CPAMD8: variants seen among roughly 807,000 people sequenced by gnomAD.
The protein encoded by CPAMD8 is C3 and PZP like alpha-2-macroglobulin domain containing 8.
A neutral mutation model predicts 224.7 loss-of-function variants in CPAMD8; 146 were observed. The observed-to-expected ratio is 0.65, with a 90% CI of 0.57 to 0.75. The LOEUF is 0.75. Ranked by LOEUF, CPAMD8 falls within the 30% of genes least tolerant of loss-of-function variation. The pLI, the probability that CPAMD8 is intolerant of heterozygous loss-of-function variation, is 0.00. For synonymous variants in CPAMD8, 966 were observed against 1,044.6 expected (o/e 0.92, Z 1.45); for missense variants, 2,301 against 2,537.5 (o/e 0.91, Z 2.00).
At chr19:16,922,567 A>G (rs546090291) in intron 26 of CPAMD8, among the ~76,000 whole-genome samples, 1 of 141,332 alleles carries the variant, frequency 7.1e-6, no homozygotes, top group East Asian at 2.2e-4. Flanking sequence ...CCATACCCAC[A>G]GCACATCTGG....
At chr19:16,943,562 C>T (rs922070766) in intron 22 of CPAMD8, among the ~76,000 whole-genome samples, 1 of 152,162 alleles carries the variant, frequency 6.6e-6, no homozygotes, top group East Asian at 1.9e-4. Context: ...GCCACCACAC[C>T]CAGCCCTTCA....
At chr19:16,930,898 C>A (rs907656312) in intron 23 of CPAMD8, among the ~76,000 whole-genome samples, 1 of 152,188 alleles carries the variant, frequency 6.6e-6, no homozygotes, top group African/African-American at 2.4e-5. Flanking sequence ...ATTCCCTGCT[C>A]ACAGCCACCA....
At chr19:16,975,430 G>C (rs1205391790) in intron 16 of CPAMD8, among the ~76,000 whole-genome samples, 172 bp from the exon 17 acceptor site, 1 of 152,200 alleles carries the variant, frequency 6.6e-6, no homozygotes, top group Non-Finnish European at 1.5e-5. Context: ...ACAGGAGCCA[G>C]GCACAGTGGC....
rs1325516737 is a variant in CPAMD8, at chr19:16,897,935, G to A, written c.4908C>T (p.Gly1636=). Reference sequence around the variant, plus strand: ...CGGAGACTGGCAGCGCCGACGTCCTGCCCACCACGCACTCCCGGAGAGCAC... The same window carrying A: ...CGGAGACTGGCAGCGCCGACGTCCTACCCACCACGCACTCCCGGAGAGCAC... ...RFRALRECVV[G]RTSALPVSVY... The change falls in exon 38 of 42, where the codon GGC becomes GGT. Residue 1636 remains glycine (G), a synonymous_variant. Coordinates refer to ENST00000443236, the MANE Select transcript of CPAMD8 (RefSeq NM_015692.5). 4 of 1,611,016 alleles carry A rather than the reference G, an allele frequency of 2.5e-6. No individual in the cohort carries two copies. The highest frequency in any genetic ancestry group is 3.4e-6 in the Non-Finnish European group (4 of 1,179,382).
chr19:16,980,124 C>CT (rs1568557584), intron 14 of CPAMD8, among the ~76,000 whole-genome samples: 1 of 152,062 alleles, frequency 6.6e-6, no homozygotes, highest in Non-Finnish European at 1.5e-5. Context: ...AGGAAGTCCC[C>CT]TGGGAGGAGG....
intron 27 of CPAMD8, among the ~76,000 whole-genome samples, chr19:16,919,999 A>G (rs1164025413): frequency 1.3e-5 from 2 of 152,192 alleles, no homozygotes; most frequent in African/African-American, 2.4e-5. Context: ...CTAAGGCCAC[A>G]CAGCTCACAT....
intron 20 of CPAMD8, 27 bp from the exon 21 acceptor site, chr19:16,947,254 C>A: frequency 1.3e-6 from 2 of 1,592,710 alleles, no homozygotes; most frequent in African/African-American, 1.3e-5. Context: ...TGGCTCATGG[C>A]GCCTGGAATC....
chr19:16,990,501 T>C (rs954532646), intron 12 of CPAMD8, among the ~76,000 whole-genome samples: 6 of 151,644 alleles, frequency 4.0e-5, no homozygotes, highest in African/African-American at 1.5e-4. Context: ...AAAGCTGCAA[T>C]TTAGCTATGA....
intron 18 of CPAMD8, among the ~76,000 whole-genome samples, chr19:16,965,175 G>A (rs1169367037): frequency 6.6e-6 from 1 of 151,952 alleles, no homozygotes; most frequent in Non-Finnish European, 1.5e-5. Flanking sequence ...CAGGAGAATG[G>A]TGTGAACCTG....
At chr19:16,973,607 C>T (rs1315715295) in intron 17 of CPAMD8, among the ~76,000 whole-genome samples, 1 of 151,970 alleles carries the variant, frequency 6.6e-6, no homozygotes, top group Non-Finnish European at 1.5e-5. Flanking sequence ...TCTTGGCCTC[C>T]CAAAGTGCTG....
intron 6 of CPAMD8, 58 bp downstream of exon 6, chr19:17,009,245 C>T (rs756020679): frequency 9.0e-5 from 145 of 1,613,486 alleles, no homozygotes; most frequent in Non-Finnish European, 1.2e-4. Flanking sequence ...CCAGATCTTG[C>T]AGAAGGTGGG....
At chr19:16,902,577 T>G in intron 35 of CPAMD8, 72 bp downstream of exon 35, 1 of 918,032 alleles carries the variant, frequency 1.1e-6, no homozygotes, top group Non-Finnish European at 1.7e-6. Context: ...CTCCTCCTGG[T>G]CCCAGGAGGC....
At chr19:16,902,113 G>C (rs950991678) in intron 35 of CPAMD8, among the ~76,000 whole-genome samples, 4 of 152,120 alleles carry the variant, frequency 2.6e-5, no homozygotes, top group Non-Finnish European at 2.9e-5. Context: ...GTCTGGTGCT[G>C]GTGTTATCGG....
At chr19:16,984,833 A>C (rs750721561) in intron 13 of CPAMD8, among the ~76,000 whole-genome samples, 1 of 152,230 alleles carries the variant, frequency 6.6e-6, no homozygotes, top group Non-Finnish European at 1.5e-5. Context: ...AACATAGTGA[A>C]ACCCCTAAAA....
intron 9 of CPAMD8, among the ~76,000 whole-genome samples, chr19:17,001,334 A>C (rs1461750718): frequency 4.6e-5 from 7 of 150,654 alleles, no homozygotes; most frequent in South Asian, 2.1e-4. Context: ...AAAAAAAAAA[A>C]AAAAAAAAAA....
At chr19:16,913,211 G>A (rs1297243918) in intron 29 of CPAMD8, among the ~76,000 whole-genome samples, 9 of 152,132 alleles carry the variant, frequency 5.9e-5, no homozygotes, top group Admixed American at 2.0e-4. Flanking sequence ...CATGGGAGAT[G>A]TGGAGGAGGA....
intron 18 of CPAMD8, among the ~76,000 whole-genome samples, chr19:16,958,644 G>T (rs933337496): frequency 6.6e-6 from 1 of 152,068 alleles, no homozygotes; most frequent in Non-Finnish European, 1.5e-5. Flanking sequence ...CTCAGTAATG[G>T]GATTGCTGGC....
At chr19:16,982,056 G>C (rs2055533847) in intron 13 of CPAMD8, among the ~76,000 whole-genome samples, 2 of 152,118 alleles carry the variant, frequency 1.3e-5, no homozygotes, top group Non-Finnish European at 2.9e-5. Flanking sequence ...AGAAGCTTGA[G>C]ACCAGCCTGG....
intron 1 of CPAMD8, among the ~76,000 whole-genome samples, chr19:17,024,466 A>G (rs1162332772): frequency 6.6e-6 from 1 of 152,174 alleles, no homozygotes; most frequent in Non-Finnish European, 1.5e-5. Flanking sequence ...TTAAAAGGGG[A>G]ATACTCTTTC....
Sources: gnomAD v4.1 joint callset for allele counts (sites outside exome capture counted in the v4.1 genomes callset) on GRCh38, gnomAD v4.1.1 for gene constraint, MANE v1.5 for transcripts, NCBI Gene and HGNC (gene_info 2026-07-23, HGNC 2026-07-21) for gene names.